SEMA3A: variants seen among roughly 807,000 people sequenced by gnomAD.
The protein encoded by SEMA3A is semaphorin-3A.
SEMA3A carries 29 observed loss-of-function variants against 97.9 expected under a neutral mutation model. The ratio of observed to expected loss-of-function variants is 0.30; its 90% confidence interval spans 0.22 to 0.40. The LOEUF is 0.40. SEMA3A is among the 10% of genes least tolerant of loss of function. SEMA3A has a pLI of 1.00. For missense variants in SEMA3A, 763 were observed against 951.3 expected, an observed-to-expected ratio of 0.80 and a Z score of 2.60; for synonymous variants, 321 against 323.7, an observed-to-expected ratio of 0.99 and a Z score of 0.09.
At chr7:84,281,357 C>G (rs1374856100) in intron 3 of SEMA3A, among the ~76,000 whole-genome samples, 1 of 152,112 alleles carries the variant, frequency 6.6e-6, no homozygotes, top group Non-Finnish European at 1.5e-5. Flanking sequence ...AGACAAGAAA[C>G]AGCAGCCTGG....
At chr7:84,208,615 CT>C (rs1181010492) in intron 3 of SEMA3A, among the ~76,000 whole-genome samples, 3 of 152,094 alleles carry the variant, frequency 2.0e-5, no homozygotes, top group Non-Finnish European at 4.4e-5. Context: ...TTACTGTTAT[CT>C]TTTAAAAAGT....
At chr7:84,092,004 A>C (rs1794617382) in intron 4 of SEMA3A, among the ~76,000 whole-genome samples, 1 of 152,172 alleles carries the variant, frequency 6.6e-6, no homozygotes, top group African/African-American at 2.4e-5. Flanking sequence ...TAGGCAGAGT[A>C]CCCTAAGAAT....
intron 4 of SEMA3A, among the ~76,000 whole-genome samples, chr7:84,062,820 C>A (rs1450741203): frequency 2.0e-5 from 3 of 151,516 alleles, no homozygotes; most frequent in Non-Finnish European, 4.4e-5. Flanking sequence ...GATCAAACTA[C>A]AAGGCCGCAG....
chr7:84,309,819 A>G (rs1801269359), intron 2 of SEMA3A, among the ~76,000 whole-genome samples: 1 of 152,166 alleles, frequency 6.6e-6, no homozygotes, highest in South Asian at 2.1e-4. Flanking sequence ...AAATACAAAG[A>G]CCCTGAGGCA....
intron 1 of SEMA3A, among the ~76,000 whole-genome samples, chr7:84,152,732 A>T (rs1186535872): frequency 6.6e-6 from 1 of 152,064 alleles, no homozygotes; most frequent in Non-Finnish European, 1.5e-5. Flanking sequence ...AGCTGAGATT[A>T]TGTACTTGGC....
chr7:83,989,553 T>A (rs992271175), intron 12 of SEMA3A, among the ~76,000 whole-genome samples: 1 of 137,868 alleles, frequency 7.3e-6, no homozygotes, highest in African/African-American at 2.7e-5. Flanking sequence ...CACCTATGAG[T>A]GAGAATATGC....
chr7:84,277,314 G>C (rs1176558461), intron 3 of SEMA3A, among the ~76,000 whole-genome samples: 1 of 152,060 alleles, frequency 6.6e-6, no homozygotes, highest in Admixed American at 6.6e-5. Context: ...AGATATAGAT[G>C]TAATGATAGA....
intron 6 of SEMA3A, among the ~76,000 whole-genome samples, chr7:84,022,522 C>T (rs1385132265): frequency 2.6e-5 from 4 of 152,124 alleles, no homozygotes; most frequent in African/African-American, 7.2e-5. Flanking sequence ...ATGTATACAG[C>T]GACCCTGGAT....
At chr7:84,391,595 T>C (rs1028035512) in intron 1 of SEMA3A, among the ~76,000 whole-genome samples, 2 of 152,166 alleles carry the variant, frequency 1.3e-5, no homozygotes, top group African/African-American at 4.8e-5. Flanking sequence ...TCTGCTGTTA[T>C]TATCTAGCAG....
intron 6 of SEMA3A, among the ~76,000 whole-genome samples, chr7:84,040,617 T>G (rs915961603): frequency 1.3e-5 from 2 of 152,100 alleles, no homozygotes; most frequent in Non-Finnish European, 2.9e-5. Context: ...CATGGTTACA[T>G]GCATTGTCAT....
At chr7:84,110,026 A>G (rs538940983) in intron 4 of SEMA3A, among the ~76,000 whole-genome samples, 1 of 152,194 alleles carries the variant, frequency 6.6e-6, no homozygotes, top group South Asian at 2.1e-4. Context: ...AATGTGAATA[A>G]TGTGAGTCAA....
chr7:84,214,489 G>T (rs1031152234), intron 3 of SEMA3A, among the ~76,000 whole-genome samples: 2 of 152,066 alleles, frequency 1.3e-5, no homozygotes, highest in Admixed American at 1.3e-4. Context: ...CACAAAACAT[G>T]ATGAGGAAAC....
intron 1 of SEMA3A, among the ~76,000 whole-genome samples, chr7:84,138,603 A>G (rs1014086412): frequency 7.2e-5 from 11 of 152,204 alleles, no homozygotes; most frequent in Admixed American, 7.2e-4. Context: ...TTAAACTGTT[A>G]CTTCTCAACA....
intron 6 of SEMA3A, among the ~76,000 whole-genome samples, chr7:84,045,125 T>C (rs1792299305): frequency 6.6e-6 from 1 of 151,926 alleles, no homozygotes; most frequent in African/African-American, 2.4e-5. Flanking sequence ...GGTCTATAGG[T>C]AGACCTGTGA....
intron 1 of SEMA3A, among the ~76,000 whole-genome samples, chr7:84,394,798 A>T (rs1278746420): frequency 6.6e-6 from 1 of 152,180 alleles, no homozygotes; most frequent in Non-Finnish European, 1.5e-5. Context: ...ATGAAATACT[A>T]ATAAAAGAGC....
intron 1 of SEMA3A, among the ~76,000 whole-genome samples, chr7:84,181,433 G>A (rs191369523): frequency 5.9e-4 from 89 of 151,642 alleles, no homozygotes; most frequent in Non-Finnish European, 1.1e-3. Flanking sequence ...AAAGATAAAA[G>A]TTAGCTGTAG....
chr7:84,042,905 T>A (rs1240045797), intron 6 of SEMA3A, among the ~76,000 whole-genome samples: 1 of 152,066 alleles, frequency 6.6e-6, no homozygotes, highest in Non-Finnish European at 1.5e-5. Context: ...TGTTAAGATA[T>A]CATTATGATA....
At chr7:84,342,489 T>A (rs1802193828) in intron 2 of SEMA3A, among the ~76,000 whole-genome samples, 1 of 152,198 alleles carries the variant, frequency 6.6e-6, no homozygotes. Flanking sequence ...TCAGAAGGAA[T>A]ATAGGCCTTC....
At chr7:84,079,428 G>C (rs1173274853) in intron 4 of SEMA3A, among the ~76,000 whole-genome samples, 1 of 149,948 alleles carries the variant, frequency 6.7e-6, no homozygotes, top group African/African-American at 2.5e-5. Context: ...CTACAAAATG[G>C]GAGAAAATTT....
Sources: allele counts gnomAD v4.1 joint callset (sites outside exome capture counted in the v4.1 genomes callset), GRCh38; gene constraint gnomAD v4.1.1; transcripts MANE v1.5; gene names NCBI Gene and HGNC (gene_info 2026-07-23, HGNC 2026-07-21).